The following TTC39A variants were observed in gnomAD, a reference collection of about 807,000 sequenced individuals.
TTC39A encodes tetratricopeptide repeat protein 39A.
Under a neutral mutation model 82.3 loss-of-function variants are expected in TTC39A, and 46 were observed. The observed-to-expected ratio is 0.56, with a 90% CI of 0.44 to 0.71. TTC39A has a LOEUF of 0.71. TTC39A is among the 30% of genes least tolerant of loss of function. TTC39A has a pLI of 0.00. For synonymous variants in TTC39A, 254 were observed against 275.2 expected, an observed-to-expected ratio of 0.92 and a Z score of 0.76; for missense variants, 543 against 712.9, an observed-to-expected ratio of 0.76 and a Z score of 2.71.
intron 15 of TTC39A, among the ~76,000 whole-genome samples, 185 bp downstream of exon 15, chr1:51,290,329 C>T (rs756860100): frequency 2.0e-5 from 3 of 152,158 alleles, no homozygotes; most frequent in Non-Finnish European, 2.9e-5. Context: ...CCCAAGGCTG[C>T]GGGAGCCCAG....
chr1:51,319,471 A>G (rs1210394776), intron 2 of TTC39A, among the ~76,000 whole-genome samples: 1 of 152,154 alleles, frequency 6.6e-6, no homozygotes, highest in Non-Finnish European at 1.5e-5. Context: ...CCGCATAACA[A>G]TCCAGGATAA....
Position 51,321,944 on chromosome 1 carries a change from C to T in TTC39A, c.42-119G>A, listed in dbSNP as rs142629285. On this transcript the variant is annotated intron_variant, in intron 1 of 17. Coordinates refer to ENST00000680483, the MANE Select transcript of TTC39A (RefSeq NM_001297663.2). This position sits in a 1 kb window ranked among gnomAD's most constrained non-coding sequence, Gnocchi z 4.6. ...CCTGGCCAGCCTTGGGTGCCTGTCACGAGCTCCTCCAGGCTGCCACTCTGT... is the reference window on the plus strand; with the variant it reads ...CCTGGCCAGCCTTGGGTGCCTGTCATGAGCTCCTCCAGGCTGCCACTCTGT... 887 of 1,317,312 alleles carry T rather than the reference C, an allele frequency of 6.7e-4. 13 individuals are homozygous for T. The highest frequency in any genetic ancestry group is 6.3e-3 in the African/African-American group (431 of 68,378). 81.6% of individuals were successfully genotyped at this position (1,317,312 alleles called of 1,614,324 possible). A position where few individuals can be genotyped will look rare whatever the true frequency, so the allele number is the denominator to read the frequency against.
chr1:51,327,993 G>A (rs150077049), intron 1 of TTC39A, among the ~76,000 whole-genome samples: 56 of 152,182 alleles, frequency 3.7e-4, no homozygotes, highest in African/African-American at 1.3e-3. Context: ...AACTGCGTGC[G>A]GCTTTACCAT....
intron 1 of TTC39A, chr1:51,322,324 C>G: frequency 7.2e-7 from 1 of 1,389,730 alleles, no homozygotes. Context: ...CAGCCCCAAA[C>G]GAGAGGCCCA....
At chr1:51,290,691 C>A in intron 14 of TTC39A, 66 bp from the exon 15 acceptor site, 3 of 1,321,706 alleles carry the variant, frequency 2.3e-6, no homozygotes, top group Non-Finnish European at 3.2e-6. Context: ...TTCCCATCTA[C>A]AAAATGGGCA....
Position 51,294,565 on chromosome 1 carries a change from G to C in TTC39A, c.1146-54C>G. 6.2e-7 allele frequency: 1 copy of C among 1,609,476 alleles called. No homozygotes were observed. Among genetic ancestry groups the C allele is most frequent in the Non-Finnish European group, 8.5e-7 (1 of 1,178,232 alleles). On this transcript the variant is annotated intron_variant, in intron 13 of 17. Transcript: ENST00000680483. This position sits in a 1 kb window ranked among gnomAD's most constrained non-coding sequence, Gnocchi z 4.3. ...GGATGAAAAAGAGCAGGAGAGGGCAGAGGGTCCCCAGCCTACCCAGCTATG... is the reference window on the plus strand; with the variant it reads ...GGATGAAAAAGAGCAGGAGAGGGCACAGGGTCCCCAGCCTACCCAGCTATG...
chr1:51,334,036 C>T (rs546643895), upstream of TTC39A, among the ~76,000 whole-genome samples: 12 of 152,074 alleles, frequency 7.9e-5, no homozygotes, highest in African/African-American at 2.2e-4. Flanking sequence ...ATAATATTGC[C>T]GACTTCCAAG....
At position 51,312,170 on chromosome 1, in the gene TTC39A, C is replaced by T; in HGVS notation, c.304G>A (p.Asp102Asn). The change falls in exon 4 of 18, where the codon GAT becomes AAT. Residue 102 changes from aspartate to asparagine, a missense_variant. Transcript: ENST00000680483. ...QRHRRKSSVT[D>N]SFSSLVNRPT... ...CGGTTCACCAGGCTGCTGAAGGAAT[C>T]TGTTACAGAAGACTTCCTCCGGTGC... is the stretch of plus-strand genomic sequence containing the variant. 6.2e-7 allele frequency: 1 copy of T among 1,610,716 alleles called. No individual in the cohort carries two copies. The highest frequency in any genetic ancestry group is 8.5e-7 in the Non-Finnish European group (1 of 1,178,602).
chr1:51,331,782 G>A (rs1645915504), upstream of TTC39A: 1 of 985,342 alleles, frequency 1.0e-6, no homozygotes, highest in Admixed American at 6.1e-5. Context: ...AGTAAGCTAT[G>A]ATGACATCCA....
At chr1:51,317,770 A>G (rs1364966762) in intron 2 of TTC39A, among the ~76,000 whole-genome samples, 1 of 152,168 alleles carries the variant, frequency 6.6e-6, no homozygotes, top group Non-Finnish European at 1.5e-5. Flanking sequence ...AAACAAACAA[A>G]AAGAAAAAAG....
intron 4 of TTC39A, among the ~76,000 whole-genome samples, 193 bp downstream of exon 4, chr1:51,311,926 G>A (rs1645098107): frequency 1.3e-5 from 2 of 152,184 alleles, no homozygotes. Context: ...GCATAAGTGG[G>A]TCTCACCTGC....
At chr1:51,344,723 C>G (rs1006022344) in intron 1 of TTC39A, among the ~76,000 whole-genome samples, 1 of 152,262 alleles carries the variant, frequency 6.6e-6, no homozygotes, top group African/African-American at 2.4e-5. Context: ...GCTGACTTCG[C>G]AGATAGCCCG....
chr1:51,331,765 T>C, upstream of TTC39A: 1 of 985,398 alleles, frequency 1.0e-6, no homozygotes, highest in Non-Finnish European at 1.2e-6. Context: ...GATAATTAAC[T>C]ACTAGAAGTA....
intron 4 of TTC39A, among the ~76,000 whole-genome samples, chr1:51,311,736 T>C (rs59115763): frequency 6.6e-6 from 1 of 152,210 alleles, no homozygotes; most frequent in Non-Finnish European, 1.5e-5. Context: ...TGTTGTCCCA[T>C]TGACTCGGCT....
chr1:51,306,367 C>T (rs1045871589), intron 6 of TTC39A, among the ~76,000 whole-genome samples: 2 of 152,220 alleles, frequency 1.3e-5, no homozygotes, highest in Non-Finnish European at 2.9e-5. Flanking sequence ...TCAGCCTCCG[C>T]GCTACTGACA....
Position 51,287,493 on chromosome 1 carries a change from A to G in TTC39A, c.*664T>C, listed in dbSNP as rs1644036336. The G allele has an allele frequency of 6.6e-6, 1 of 152,218 alleles. No individual in the cohort carries two copies. The highest frequency in any genetic ancestry group is 1.5e-5 in the Non-Finnish European group (1 of 68,050). 9.4% of individuals were successfully genotyped at this position (152,218 alleles called of 1,614,324 possible). A position where few individuals can be genotyped will look rare whatever the true frequency, so the allele number is the denominator to read the frequency against. ...TGGCATTTTCTACTGGTAGAGATTG[A>G]TTTTTCTACAGAAGAGCTCAGATTT... On this transcript the variant is annotated 3_prime_UTR_variant, in exon 18 of 18. Coordinates refer to ENST00000680483, the MANE Select transcript of TTC39A (RefSeq NM_001297663.2).
rs750162077 is a variant in TTC39A at position 51,288,273 on chromosome 1, A to G, written c.1618T>C (p.Tyr540His). 9 of 1,613,864 alleles carry G rather than the reference A, an allele frequency of 5.6e-6. No individual in the cohort carries two copies. The East Asian group carries it at 2.0e-4, about 36-fold the overall frequency. The change falls in exon 18 of 18, where the codon TAC (tyrosine) becomes CAC (histidine). Residue 540 changes from tyrosine to histidine, a missense_variant. Tyr to His is a moderately conservative substitution (Grantham distance 83). Coordinates refer to ENST00000680483, the MANE Select transcript of TTC39A (RefSeq NM_001297663.2). This position sits in a 1 kb window ranked among gnomAD's most constrained non-coding sequence, Gnocchi z 4.8. ...CTTGACTCCATGGAGTAATTCTTGT[A>G]GTTTTGCCTGGAATTGAGCAGCGAA... is the stretch of plus-strand genomic sequence containing the variant. ...IKLLESAKQN[Y>H]KNYSMESRTH...
intron 7 of TTC39A, chr1:51,305,698 C>T (rs1207919891): frequency 2.0e-6 from 1 of 495,774 alleles, no homozygotes; most frequent in Non-Finnish European, 3.7e-6. Context: ...GTGCCAAGGT[C>T]GGGTGCTGTG....
intron 1 of TTC39A, among the ~76,000 whole-genome samples, chr1:51,338,330 G>A (rs1230580916): frequency 1.3e-5 from 2 of 152,120 alleles, no homozygotes; most frequent in Non-Finnish European, 2.9e-5. Flanking sequence ...TATTAAAGTG[G>A]AGAAAGCAAG....
Sources: gnomAD v4.1 joint callset for allele counts (sites outside exome capture counted in the v4.1 genomes callset) on GRCh38, gnomAD v4.1.1 for gene constraint, Gnocchi (gnomAD v3.1) non-coding constraint, MANE v1.5 for transcripts, NCBI Gene and HGNC (gene_info 2026-07-23, HGNC 2026-07-21) for gene names.